Variants in DST observed in about 807,000 individuals in gnomAD.
The protein encoded by DST is bullous pemphigoid antigen.
A neutral mutation model predicts 875.2 loss-of-function variants in DST; 253 were observed. That is an observed-to-expected ratio of 0.29 (90% confidence interval 0.26 to 0.32). The LOEUF is 0.32. Among genes scored for constraint, DST ranks in the 10% least tolerant of loss-of-function variants. The pLI is 1.00. For missense variants in DST, 8,287 were observed against 9,111.6 expected, an observed-to-expected ratio of 0.91 and a Z score of 3.68; for synonymous variants, 3,124 against 3,197.1, an observed-to-expected ratio of 0.98 and a Z score of 0.77.
chr6:56,826,364 A>G (rs1715542273), intron 4 of DST, among the ~76,000 whole-genome samples: 1 of 152,206 alleles, frequency 6.6e-6, no homozygotes, highest in African/African-American at 2.4e-5. Flanking sequence ...GCAATATTTT[A>G]TATGCATGAA....
At chr6:56,881,918 GC>G (rs1215797646) in intron 3 of DST, among the ~76,000 whole-genome samples, 1 of 152,124 alleles carries the variant, frequency 6.6e-6, no homozygotes, top group Non-Finnish European at 1.5e-5. Context: ...AAGGGAGAGG[GC>G]AGCGCGTGCA....
chr6:56,783,209 G>T (rs1375546013), intron 4 of DST, among the ~76,000 whole-genome samples: 3 of 152,284 alleles, frequency 2.0e-5, no homozygotes, highest in East Asian at 3.9e-4. Context: ...TGTTGATTTG[G>T]GGTGGAGAGT....
chr6:56,603,503 CTTT>C (rs1245175125), intron 41 of DST, 58 bp downstream of exon 41: 3 of 1,588,874 alleles, frequency 1.9e-6, no homozygotes, highest in Non-Finnish European at 2.6e-6. Context: ...TGTTCTGCTT[CTTT>C]TTCCCAGTCA....
intron 45 of DST, among the ~76,000 whole-genome samples, chr6:56,599,502 G>T (rs1453228002): frequency 6.6e-6 from 1 of 152,020 alleles, no homozygotes; most frequent in African/African-American, 2.4e-5. Context: ...GACCTATGAA[G>T]AAACTGAGGC....
chr6:56,754,028 A>C (rs1008260139), intron 4 of DST, among the ~76,000 whole-genome samples: 1 of 152,218 alleles, frequency 6.6e-6, no homozygotes, highest in Non-Finnish European at 1.5e-5. Context: ...TTTTGTTTAC[A>C]TGAGCCATTT....
At chr6:56,472,335 G>C (rs200893571) in intron 93 of DST, 113 bp from the exon 94 acceptor site, 3 of 516,520 alleles carry the variant, frequency 5.8e-6, no homozygotes, top group South Asian at 7.6e-5. Flanking sequence ...ACGTGTTTAC[G>C]CAAGTAAAAG....
At chr6:56,692,363 A>G in intron 9 of DST, 2 of 1,197,892 alleles carry the variant, frequency 1.7e-6, no homozygotes, top group Non-Finnish European at 2.1e-6. Flanking sequence ...TATTTACTTG[A>G]ACTCAGACTC....
At chr6:56,484,801 T>C (rs140662400) in intron 88 of DST, 1 of 152,830 alleles carries the variant, frequency 6.5e-6, no homozygotes, top group Non-Finnish European at 1.5e-5. Context: ...AAATCCCTTA[T>C]AGCATAAGCT....
At chr6:56,942,992 A>G (rs950595476) in intron 2 of DST, among the ~76,000 whole-genome samples, 1 of 152,278 alleles carries the variant, frequency 6.6e-6, no homozygotes, top group East Asian at 1.9e-4. Flanking sequence ...AAGTGCTGGG[A>G]TTACAGGCAT....
chr6:56,673,284 TAAAAG>T (rs2099111772), intron 9 of DST, among the ~76,000 whole-genome samples: 1 of 151,358 alleles, frequency 6.6e-6, no homozygotes. Flanking sequence ...AAAAAAGAAA[TAAAAG>T]AAAAGAAAAA....
intron 3 of DST, among the ~76,000 whole-genome samples, chr6:56,860,104 T>C (rs1239946520): frequency 6.6e-6 from 1 of 152,344 alleles, no homozygotes; most frequent in Admixed American, 6.5e-5. Context: ...AATTCAGATG[T>C]GGAATACTGG....
In DST at chr6:56,734,499, T is replaced by C. The variant is rs141517639; in HGVS notation, c.687+729A>G. Among the ~76,000 whole-genome samples the C allele has an allele frequency of 2.7e-3, 418 of 152,314 alleles. 1 individual carries two copies. Among genetic ancestry groups the C allele is most frequent in the Non-Finnish European group, 4.3e-3 (291 of 68,030 alleles). On this transcript the variant is annotated intron_variant, in intron 5 of 103. Coordinates refer to ENST00000680361, the MANE Select transcript of DST (RefSeq NM_001374736.1). ...ATAGAAACATGACCTATTTCAACTT[T>C]AGGGCTCTCCTTAAAAGGTGGGAGA...
chr6:56,837,292 T>C (rs2099794907), intron 4 of DST, among the ~76,000 whole-genome samples: 1 of 152,172 alleles, frequency 6.6e-6, no homozygotes, highest in South Asian at 2.1e-4. Context: ...AGGAAACATT[T>C]CAAACTTTTT....
At chr6:56,612,773 G>A (rs1279458224) in intron 37 of DST, among the ~76,000 whole-genome samples, 7 of 152,098 alleles carry the variant, frequency 4.6e-5, no homozygotes, top group Admixed American at 1.3e-4. Context: ...TATAATTAAC[G>A]CCATTATCTG....
chr6:56,630,955 G>A (rs1254109423), intron 30 of DST, among the ~76,000 whole-genome samples: 1 of 151,728 alleles, frequency 6.6e-6, no homozygotes, highest in African/African-American at 2.4e-5. Context: ...GCTAACTTTG[G>A]TATTTTTTAT....
chr6:56,784,285 G>A (rs1359848708), intron 4 of DST, among the ~76,000 whole-genome samples: 1 of 152,146 alleles, frequency 6.6e-6, no homozygotes, highest in East Asian at 1.9e-4. Flanking sequence ...TTGCTAGATT[G>A]GGGAAGTTCT....
At chr6:56,468,724 C>T (rs1007514661) in intron 98 of DST, among the ~76,000 whole-genome samples, 3 of 152,072 alleles carry the variant, frequency 2.0e-5, no homozygotes, top group Non-Finnish European at 2.9e-5. Flanking sequence ...AAATTGCATT[C>T]GTAACATTGT....
intron 10 of DST, among the ~76,000 whole-genome samples, chr6:56,666,736 T>C (rs1014538247): frequency 2.1e-5 from 3 of 145,334 alleles, no homozygotes; most frequent in Non-Finnish European, 4.4e-5. Flanking sequence ...AAAAAACTAC[T>C]CTTTTTTTTT....
At chr6:56,567,391 CACT>C (rs1239430628) in intron 55 of DST, among the ~76,000 whole-genome samples, 2 of 144,034 alleles carry the variant, frequency 1.4e-5, no homozygotes, top group Non-Finnish European at 3.0e-5. Flanking sequence ...TGTAGATGCT[CACT>C]ACTAATTCCT....
Sources: allele counts gnomAD v4.1 joint callset (sites outside exome capture counted in the v4.1 genomes callset), GRCh38; gene constraint gnomAD v4.1.1; transcripts MANE v1.5; gene names NCBI Gene and HGNC (gene_info 2026-07-23, HGNC 2026-07-21).